LAMB1: variants seen among roughly 807,000 people sequenced by gnomAD.
The protein encoded by LAMB1 is laminin subunit beta 1, also known as laminin subunit beta-1.
A neutral mutation model predicts 222.3 loss-of-function variants in LAMB1; 121 were observed. The ratio of observed to expected loss-of-function variants is 0.54; its 90% CI spans 0.47 to 0.63. The LOEUF is 0.63. Ranked by LOEUF, LAMB1 falls within the 30% of genes least tolerant of loss-of-function variation. The pLI is 0.00. For missense variants in LAMB1, 2,172 were observed against 2,240.8 expected (o/e 0.97, Z 0.62); for synonymous variants, 794 against 807.2 (o/e 0.98, Z 0.28).
In LAMB1 at chr7:108,001,685, C is replaced by A. The variant is rs1291204373; in HGVS notation, c.86G>T (p.Gly29Val). ...VRAQEPEFSY[G>V]CAEGSCYPAT... ...GGGATAGCAGCTGCCTTCTGCGCAG[C>A]CGTAGCTGAACTCGGGTTCCTGAGC... The change falls in exon 3 of 34, where the codon GGC becomes GTC. Residue 29 changes from glycine to valine, a missense_variant. Coordinates refer to ENST00000222399, the MANE Select transcript of LAMB1 (RefSeq NM_002291.3). The A allele has an allele frequency of 6.2e-7, 1 of 1,612,556 alleles. No homozygotes were observed. Among genetic ancestry groups the A allele is most frequent in the African/African-American group, 1.3e-5 (1 of 74,920 alleles).
Sources: gnomAD v4.1 joint callset for allele counts on GRCh38, gnomAD v4.1.1 for gene constraint, MANE v1.5 for transcripts, NCBI Gene and HGNC (gene_info 2026-07-23, HGNC 2026-07-21) for gene names.